Variants in SLC2A13 observed in about 807,000 individuals in gnomAD.
SLC2A13 encodes proton myo-inositol cotransporter.
A neutral mutation model predicts 64.4 loss-of-function variants in SLC2A13; 32 were observed. The observed-to-expected ratio is 0.50, with a 90% CI of 0.37 to 0.67. The LOEUF (loss-of-function observed/expected upper bound fraction) is 0.67. SLC2A13 is among the 30% of genes least tolerant of loss of function. The pLI, the probability that SLC2A13 is intolerant of heterozygous loss-of-function variation, is 0.00. For synonymous variants in SLC2A13, 338 were observed against 327.1 expected (o/e 1.03, Z -0.36); for missense variants, 743 against 829.2 (o/e 0.90, Z 1.28).
intron 7 of SLC2A13, among the ~76,000 whole-genome samples, chr12:39,812,874 A>G (rs1592162104): frequency 7.4e-6 from 1 of 135,080 alleles, no homozygotes; most frequent in East Asian, 2.2e-4. Flanking sequence ...TCACTCTGTC[A>G]CCCAGGCTGG....
intron 4 of SLC2A13, among the ~76,000 whole-genome samples, chr12:39,938,125 T>A (rs936556830): frequency 6.6e-6 from 1 of 152,164 alleles, no homozygotes; most frequent in African/African-American, 2.4e-5. Context: ...CTTTATAAAC[T>A]GCAGTACACA....
chr12:40,086,516 T>C (rs752596524), intron 1 of SLC2A13, among the ~76,000 whole-genome samples: 32 of 152,206 alleles, frequency 2.1e-4, no homozygotes, highest in Non-Finnish European at 4.0e-4. Context: ...GCCTATTCTC[T>C]AGCTACATGT....
intron 4 of SLC2A13, among the ~76,000 whole-genome samples, chr12:39,905,192 T>C (rs2136026922): frequency 6.6e-6 from 1 of 152,260 alleles, no homozygotes; most frequent in East Asian, 1.9e-4. Flanking sequence ...TTTATAATAC[T>C]CTGAACACTG....
rs186805634 is a variant in SLC2A13, at chr12:39,952,367, C to T, written c.926-1002G>A. Among the ~76,000 whole-genome samples, 7 of 152,186 alleles carry T rather than the reference C, an allele frequency of 4.6e-5. No individual in the cohort carries two copies. In the East Asian group the frequency reaches 1.4e-3, roughly 29 times the overall value. On this transcript the variant is annotated intron_variant, in intron 3 of 9. Transcript: ENST00000280871. ...GCAATGCTAACTGCTTAATTAGAGT[C>T]CAAGTTTTGTTAATGAACTCTAAAC...
intron 5 of SLC2A13, among the ~76,000 whole-genome samples, chr12:39,870,253 T>C (rs1351441451): frequency 1.3e-5 from 2 of 152,110 alleles, no homozygotes; most frequent in Non-Finnish European, 2.9e-5. Context: ...AAAAGAAGGG[T>C]GTCATCCATT....
chr12:40,049,633 T>C (rs1948223112), intron 1 of SLC2A13, among the ~76,000 whole-genome samples: 1 of 152,154 alleles, frequency 6.6e-6, no homozygotes, highest in African/African-American at 2.4e-5. Flanking sequence ...CTTCAAGGTA[T>C]TATTTTGTGA....
chr12:39,841,556 C>G (rs1289061532), intron 6 of SLC2A13, among the ~76,000 whole-genome samples: 3 of 152,030 alleles, frequency 2.0e-5, no homozygotes, highest in African/African-American at 7.2e-5. Flanking sequence ...AAATGTATAT[C>G]TATATACATA....
chr12:39,907,904 C>T (rs1455803147), intron 4 of SLC2A13: 3 of 151,946 alleles, frequency 2.0e-5, no homozygotes, highest in Non-Finnish European at 2.9e-5. Flanking sequence ...TCCCAACCCA[C>T]CCATTCTTTT....
intron 1 of SLC2A13, among the ~76,000 whole-genome samples, chr12:40,069,087 C>T (rs772137466): frequency 3.3e-5 from 5 of 150,560 alleles, no homozygotes; most frequent in African/African-American, 4.9e-5. Context: ...ATACTTCATA[C>T]TATAGTTATA....
intron 6 of SLC2A13, among the ~76,000 whole-genome samples, chr12:39,852,437 G>A (rs1399820214): frequency 6.6e-6 from 1 of 152,134 alleles, no homozygotes; most frequent in Non-Finnish European, 1.5e-5. Context: ...GAAATTACTG[G>A]TTTGCTTAGT....
At chr12:39,872,851 C>T (rs1944090239) in intron 4 of SLC2A13, among the ~76,000 whole-genome samples, 1 of 152,208 alleles carries the variant, frequency 6.6e-6, no homozygotes, top group South Asian at 2.1e-4. Context: ...TGAACCATGG[C>T]TTTGCCCAGC....
chr12:40,061,166 A>G (rs79913248), intron 1 of SLC2A13, among the ~76,000 whole-genome samples: 1 of 152,280 alleles, frequency 6.6e-6, no homozygotes, highest in African/African-American at 2.4e-5. Flanking sequence ...CAATTCAAAA[A>G]GGCAAAAAGG....
chr12:40,064,916 A>G (rs1166500195), intron 1 of SLC2A13, among the ~76,000 whole-genome samples: 5 of 152,232 alleles, frequency 3.3e-5, no homozygotes, highest in Admixed American at 2.6e-4. Context: ...TTTTTTCTTA[A>G]AACTGAATAA....
chr12:39,839,763 C>T (rs1943130041), intron 6 of SLC2A13, among the ~76,000 whole-genome samples: 1 of 152,008 alleles, frequency 6.6e-6, no homozygotes, highest in South Asian at 2.1e-4. Flanking sequence ...CACTGAGCCC[C>T]CATGACCTCT....
chr12:39,977,672 A>G (rs1168356409), intron 3 of SLC2A13, among the ~76,000 whole-genome samples: 1 of 152,226 alleles, frequency 6.6e-6, no homozygotes, highest in East Asian at 1.9e-4. Flanking sequence ...AGCCAGTGAC[A>G]CACTCCGAAT....
At chr12:40,005,350 CT>C (rs1414130294) in intron 3 of SLC2A13, among the ~76,000 whole-genome samples, 7 of 152,104 alleles carry the variant, frequency 4.6e-5, no homozygotes, top group Non-Finnish European at 1.0e-4. Flanking sequence ...TACAACTACC[CT>C]TTAGTATTAG....
chr12:39,837,893 G>A (rs1043647397), intron 6 of SLC2A13, among the ~76,000 whole-genome samples: 3 of 150,890 alleles, frequency 2.0e-5, no homozygotes, highest in Non-Finnish European at 4.4e-5. Context: ...ACTGTTGGTG[G>A]GACTGTAAAC....
intron 6 of SLC2A13, among the ~76,000 whole-genome samples, 171 bp downstream of exon 6, chr12:39,864,590 TA>T (rs1446455989): frequency 2.0e-5 from 3 of 152,180 alleles, no homozygotes; most frequent in Non-Finnish European, 2.9e-5. Context: ...CTGCACAAGC[TA>T]TTCCTCTTCC....
At chr12:40,010,392 C>A (rs528224832) in intron 3 of SLC2A13, among the ~76,000 whole-genome samples, 1 of 152,184 alleles carries the variant, frequency 6.6e-6, no homozygotes, top group African/African-American at 2.4e-5. Flanking sequence ...AATTTTATCA[C>A]CCTAAAATAT....
Sources: gnomAD v4.1 joint callset for allele counts (sites outside exome capture counted in the v4.1 genomes callset) on GRCh38, gnomAD v4.1.1 for gene constraint, MANE v1.5 for transcripts, NCBI Gene and HGNC (gene_info 2026-07-23, HGNC 2026-07-21) for gene names.